KLHL5: variants seen among roughly 807,000 people sequenced by gnomAD.
The protein encoded by KLHL5 is kelch-like protein 5.
A neutral mutation model predicts 77.7 loss-of-function variants in KLHL5; 48 were observed. That is an observed-to-expected ratio of 0.62 (90% CI 0.49 to 0.79). KLHL5 has a LOEUF of 0.79. KLHL5 is among the 30% of genes least tolerant of loss of function. The pLI is 0.00. For synonymous variants in KLHL5, 260 were observed against 297.0 expected (o/e 0.88, Z 1.28); for missense variants, 723 against 859.7 (o/e 0.84, Z 1.99).
At chr4:39,108,861 T>C (rs960804943) in intron 8 of KLHL5, among the ~76,000 whole-genome samples, 1 of 152,214 alleles carries the variant, frequency 6.6e-6, no homozygotes, top group Non-Finnish European at 1.5e-5. Context: ...TTAGCCCTTA[T>C]TTCTAATAGA....
At chr4:39,138,269 C>G in the KLHL5 span, among the ~76,000 whole-genome samples, 1 of 152,110 alleles carries the variant, frequency 6.6e-6, no homozygotes, top group East Asian at 1.9e-4. Context: ...CTCGAAGGAA[C>G]AGAAATCATT....
At chr4:39,063,200 T>A (rs1021420014) in intron 1 of KLHL5, among the ~76,000 whole-genome samples, 165 bp downstream of exon 1, 6 of 152,182 alleles carry the variant, frequency 3.9e-5, no homozygotes, top group East Asian at 1.9e-4. Flanking sequence ...AGGGTTTTTT[T>A]AATGTTCTAA....
chr4:39,045,234 C>A, intron 1 of KLHL5: 1 of 921,720 alleles, frequency 1.1e-6, no homozygotes, highest in Non-Finnish European at 1.3e-6. Flanking sequence ...CTCCCGGAGG[C>A]GGCTGCGAGG....
upstream of KLHL5, chr4:39,044,879 G>A: frequency 1.1e-6 from 1 of 925,910 alleles, no homozygotes; most frequent in Non-Finnish European, 1.3e-6. Flanking sequence ...GCCACCCGGG[G>A]ACTCTGACCC....
At chr4:39,103,590 C>T in intron 7 of KLHL5, 79 bp downstream of exon 7, 2 of 1,162,158 alleles carry the variant, frequency 1.7e-6, no homozygotes, top group Non-Finnish European at 2.5e-6. Context: ...AGGCAGAGGA[C>T]CCGTGTGGCA....
chr4:39,115,708 G>A (rs1722786300), intron 10 of KLHL5: 30 of 1,176,080 alleles, frequency 2.6e-5, no homozygotes, highest in South Asian at 1.7e-4. Context: ...GTGAGCAGTC[G>A]GATTTTTAAA....
chr4:39,088,416 C>T (rs1276207725), intron 5 of KLHL5, among the ~76,000 whole-genome samples: 1 of 152,156 alleles, frequency 6.6e-6, no homozygotes, highest in African/African-American at 2.4e-5. Context: ...ATAAATTCCT[C>T]TCTTTCTGCA....
In KLHL5 at chr4:39,073,178, G is replaced by A. The variant is rs35960005; in HGVS notation, c.384-2787G>A. Reference sequence around the variant, plus strand: ...CAGGGTATGAGGCCTTGAACACTGCGACTGAAATGCTCCCTGGGTTGTCCT... The same window carrying A: ...CAGGGTATGAGGCCTTGAACACTGCAACTGAAATGCTCCCTGGGTTGTCCT... On this transcript the variant is annotated intron_variant, in intron 1 of 10. Transcript: ENST00000504108. Among the ~76,000 whole-genome samples the A allele has an allele frequency of 9.3e-3, 1,412 of 152,272 alleles. 10 individuals are homozygous for A. The highest frequency in any genetic ancestry group is 0.044 in the Middle Eastern group (13 of 294).
At chr4:39,084,285 C>T (rs2109394636) in intron 4 of KLHL5, among the ~76,000 whole-genome samples, 1 of 152,226 alleles carries the variant, frequency 6.6e-6, no homozygotes, top group South Asian at 2.1e-4. Flanking sequence ...GAGTCCTCTC[C>T]AGGATCCATG....
At chr4:39,056,750 C>T (rs1376226298) in intron 1 of KLHL5, among the ~76,000 whole-genome samples, 1 of 152,214 alleles carries the variant, frequency 6.6e-6, no homozygotes, top group Non-Finnish European at 1.5e-5. Flanking sequence ...AAGCCTCACT[C>T]AATCCTCCTG....
intron 5 of KLHL5, among the ~76,000 whole-genome samples, chr4:39,089,580 CTGAG>C: frequency 6.6e-6 from 1 of 152,264 alleles, no homozygotes; most frequent in East Asian, 1.9e-4. Flanking sequence ...GGCTAATTAA[CTGAG>C]TGTTATTAAA....
chr4:39,085,430 C>T (rs1719956746), intron 4 of KLHL5, among the ~76,000 whole-genome samples: 1 of 152,138 alleles, frequency 6.6e-6, no homozygotes, highest in African/African-American at 2.4e-5. Flanking sequence ...TTATTTCTAG[C>T]TCTAATTTAA....
rs1358003554 is a variant in KLHL5, at chr4:39,101,968, A to ATT, written c.1301-1318_1301-1317insTT. The stretch of plus-strand genomic sequence containing the variant: ...CACACATATATATACACACACATAT[A>ATT]TATGTATACATATATATATATATAT... On this transcript the variant is annotated intron_variant, in intron 6 of 10. Coordinates refer to ENST00000504108, the MANE Select transcript of KLHL5 (RefSeq NM_015990.5). Among the ~76,000 whole-genome samples the ATT allele has an allele frequency of 3.4e-4, 24 of 70,722 alleles. No individual in the cohort carries two copies. The East Asian group carries it at 0.012, about 35-fold the overall frequency. 46.4% of individuals were successfully genotyped at this position (70,722 alleles called of 152,430 possible).
rs77677384 is a variant in KLHL5 at position 39,079,581 on chromosome 4, G to A, written c.567-1522G>A. Among the ~76,000 whole-genome samples, 681 of 152,172 alleles carry A rather than the reference G, an allele frequency of 4.5e-3. 5 individuals are homozygous for A. The highest frequency in any genetic ancestry group is 0.015 in the African/African-American group (627 of 41,510). ...CACATCTTTGCCCGTGTCACTTTCCGGTGAGACCACCTATTTAAACTTACC... is the reference window on the plus strand; with the variant it reads ...CACATCTTTGCCCGTGTCACTTTCCAGTGAGACCACCTATTTAAACTTACC... On this transcript the variant is annotated intron_variant, in intron 2 of 10. Coordinates refer to ENST00000504108, the MANE Select transcript of KLHL5 (RefSeq NM_015990.5).
intron 7 of KLHL5, among the ~76,000 whole-genome samples, chr4:39,105,830 C>T (rs1396967094): frequency 1.3e-5 from 2 of 151,496 alleles, no homozygotes; most frequent in African/African-American, 4.9e-5. Context: ...ATGAGTGGAA[C>T]AATCTGTTGA....
intron 1 of KLHL5, chr4:39,045,202 G>A: frequency 1.0e-6 from 1 of 980,536 alleles, no homozygotes; most frequent in Non-Finnish European, 1.2e-6. Flanking sequence ...CCCGGAGCGC[G>A]CGGGGCGCGA....
At chr4:39,084,347 C>T (rs1345751569) in intron 4 of KLHL5, among the ~76,000 whole-genome samples, 1 of 152,092 alleles carries the variant, frequency 6.6e-6, no homozygotes, top group Non-Finnish European at 1.5e-5. Context: ...TGACCTGGAG[C>T]AAGTCATGTA....
chr4:39,097,897 G>A (rs1225243532), intron 6 of KLHL5, among the ~76,000 whole-genome samples: 4 of 152,086 alleles, frequency 2.6e-5, no homozygotes, highest in South Asian at 2.1e-4. Context: ...TTGGGAGGCC[G>A]AGGTGGGTGG....
chr4:39,091,301 T>G (rs1199831405), intron 5 of KLHL5, among the ~76,000 whole-genome samples: 1 of 151,988 alleles, frequency 6.6e-6, no homozygotes, highest in African/African-American at 2.4e-5. Flanking sequence ...TTTTTTAAAT[T>G]TTTTTGTGGA....
Sources: gnomAD v4.1 joint callset for allele counts (sites outside exome capture counted in the v4.1 genomes callset) on GRCh38, gnomAD v4.1.1 for gene constraint, MANE v1.5 for transcripts, NCBI Gene and HGNC (gene_info 2026-07-23, HGNC 2026-07-21) for gene names.